The following SH3BGRL variants were observed in gnomAD, a reference collection of about 807,000 sequenced individuals.
SH3BGRL encodes the protein adapter SH3BGRL.
Under a neutral mutation model 9.8 loss-of-function variants are expected in SH3BGRL, and 7 were observed. That is an observed-to-expected ratio of 0.72 (90% confidence interval 0.41 to 1.35). SH3BGRL has a LOEUF of 1.35. SH3BGRL is among the 40% of genes most tolerant of loss of function. The pLI is 0.01. For missense variants in SH3BGRL, 73 were observed against 84.4 expected (o/e 0.86, Z 0.53); for synonymous variants, 36 against 29.1 (o/e 1.24, Z -0.76).
chrX:81,257,968 A>C (rs1359439975), intron 1 of SH3BGRL, among the ~76,000 whole-genome samples: 2 of 111,388 alleles, frequency 1.8e-5, no homozygotes, highest in South Asian at 7.6e-4. Flanking sequence ...CCATAATCTC[A>C]TGATCCCAAC....
Position 81,206,113 on chromosome X carries a change from A to G in SH3BGRL, c.45+3868A>G, listed in dbSNP as rs186659040. The stretch of plus-strand genomic sequence containing the variant: ...ACTGACTTCCTTATATATTCCACAT[A>G]TTAATCTCTTGTCAGATGGATAGTT... On this transcript the variant is annotated intron_variant, in intron 1 of 3. Coordinates refer to ENST00000373212, the MANE Select transcript of SH3BGRL (RefSeq NM_003022.3). Among the ~76,000 whole-genome samples, 626 of 111,660 alleles carry G rather than the reference A, an allele frequency of 5.6e-3. 8 individuals carry two copies. Among genetic ancestry groups the G allele is most frequent in the African/African-American group, 0.019 (591 of 30,744 alleles).
At chrX:81,248,966 C>G (rs1427915635) in intron 1 of SH3BGRL, among the ~76,000 whole-genome samples, 1 of 111,785 alleles carries the variant, frequency 8.9e-6, no homozygotes, top group Non-Finnish European at 1.9e-5. Context: ...TGCTGACATT[C>G]TTCTCCCAAG....
At chrX:81,279,463 A>G (rs1438396657) in intron 3 of SH3BGRL, among the ~76,000 whole-genome samples, 1 of 111,111 alleles carries the variant, frequency 9.0e-6, no homozygotes, top group African/African-American at 3.3e-5. Context: ...CTCTCAAGGA[A>G]GTGGACTGCT....
chrX:81,229,810 T>A (rs755783544), intron 1 of SH3BGRL, among the ~76,000 whole-genome samples: 83 of 111,584 alleles, frequency 7.4e-4, no homozygotes, highest in Non-Finnish European at 1.3e-4. Context: ...GGGGGCATGA[T>A]GGGCCAAGGT....
intron 1 of SH3BGRL, among the ~76,000 whole-genome samples, chrX:81,257,483 A>G (rs1488451491): frequency 1.8e-5 from 2 of 111,811 alleles, no homozygotes; most frequent in Non-Finnish European, 3.8e-5. Flanking sequence ...AAAGACTACA[A>G]TCAAGGTGTC....
At chrX:81,235,784 C>G (rs138882364) in intron 1 of SH3BGRL, among the ~76,000 whole-genome samples, 1,187 of 111,364 alleles carry the variant, frequency 0.011, 20 homozygotes, top group African/African-American at 0.037. Flanking sequence ...CTTTTTTCTC[C>G]TTGTTATTAC....
intron 1 of SH3BGRL, 42 bp from the exon 2 acceptor site, chrX:81,276,942 T>C: frequency 8.9e-7 from 1 of 1,123,220 alleles, no homozygotes; most frequent in Non-Finnish European, 1.2e-6. Context: ...ATTTGACTTT[T>C]GTTGAATTTG....
rs1009246900 is a variant in SH3BGRL at position 81,298,212 on chromosome X, G to A, written c.*985G>A. ...AGCCATGTATTGTATGAGTGTATTA[G>A]TCTAAGCAGTGAGAATCTTTTCTAT... On this transcript the variant is annotated 3_prime_UTR_variant, in exon 4 of 4. Coordinates refer to ENST00000373212, the MANE Select transcript of SH3BGRL (RefSeq NM_003022.3). 9.0e-6 allele frequency: 1 copy of A among 111,295 alleles called. No individual in the cohort carries two copies. The highest frequency in any genetic ancestry group is 3.3e-5 in the African/African-American group (1 of 30,735). The allele number at this position is 111,295 out of a possible 1,213,427, so 9.2% of individuals were successfully genotyped here. A position where few individuals can be genotyped will look rare whatever the true frequency, so the allele number is the denominator to read the frequency against.
chrX:81,296,693 T>C (rs60260965), intron 3 of SH3BGRL, among the ~76,000 whole-genome samples: 2,753 of 111,887 alleles, frequency 0.025, 90 homozygotes, highest in African/African-American at 0.085. Flanking sequence ...TCAGAGTTCC[T>C]ATGCTAGAGG....
At chrX:81,247,748 G>A (rs1206061689) in intron 1 of SH3BGRL, among the ~76,000 whole-genome samples, 1 of 110,759 alleles carries the variant, frequency 9.0e-6, no homozygotes, top group Non-Finnish European at 1.9e-5. Flanking sequence ...GGTTTATCAG[G>A]GATATTGTCC....
intron 1 of SH3BGRL, among the ~76,000 whole-genome samples, chrX:81,270,381 C>T (rs942514234): frequency 5.4e-5 from 6 of 111,781 alleles, no homozygotes; most frequent in Non-Finnish European, 1.1e-4. Flanking sequence ...TTTGATGTTG[C>T]TGATCTATGG....
At chrX:81,207,931 G>A (rs1199068278) in intron 1 of SH3BGRL, among the ~76,000 whole-genome samples, 2 of 111,679 alleles carry the variant, frequency 1.8e-5, no homozygotes, top group African/African-American at 6.5e-5. Flanking sequence ...CATGGTTGTA[G>A]GGAAGAATAT....
intron 1 of SH3BGRL, among the ~76,000 whole-genome samples, chrX:81,256,777 A>G (rs5913414): frequency 0.013 from 1,506 of 112,182 alleles, 13 homozygotes; most frequent in Non-Finnish European, 0.023. Context: ...ATTGATATTG[A>G]CAGCAGCTTA....
At chrX:81,293,016 C>T (rs776611109) in intron 3 of SH3BGRL, among the ~76,000 whole-genome samples, 2 of 112,106 alleles carry the variant, frequency 1.8e-5, no homozygotes, top group African/African-American at 3.2e-5. Context: ...TGTCTGCATC[C>T]AAATCTCATC....
intron 1 of SH3BGRL, among the ~76,000 whole-genome samples, chrX:81,266,624 T>G (rs2075758003): frequency 8.9e-6 from 1 of 111,819 alleles, no homozygotes; most frequent in Non-Finnish European, 1.9e-5. Context: ...TAGTAAAGTT[T>G]GAAGTCAGAT....
At chrX:81,205,524 A>C (rs2147663210) in intron 1 of SH3BGRL, among the ~76,000 whole-genome samples, 1 of 104,863 alleles carries the variant, frequency 9.5e-6, no homozygotes, top group Non-Finnish European at 1.9e-5. Context: ...ATATATATAT[A>C]TATATATCAC....
At chrX:81,268,050 T>C (rs1464059356) in intron 1 of SH3BGRL, among the ~76,000 whole-genome samples, 1 of 111,981 alleles carries the variant, frequency 8.9e-6, no homozygotes, top group Non-Finnish European at 1.9e-5. Context: ...TTCTGTGGGA[T>C]TGGTGGTAAA....
intron 1 of SH3BGRL, among the ~76,000 whole-genome samples, chrX:81,212,496 G>C (rs1281970883): frequency 1.8e-5 from 2 of 111,160 alleles, no homozygotes; most frequent in African/African-American, 6.5e-5. Flanking sequence ...AAAAAATATT[G>C]TGAAAAAAAT....
At chrX:81,239,306 A>G (rs1480400742) in intron 1 of SH3BGRL, among the ~76,000 whole-genome samples, 1 of 112,353 alleles carries the variant, frequency 8.9e-6, no homozygotes, top group Non-Finnish European at 1.9e-5. Context: ...TCAGAATTCT[A>G]TCATATAAAT....
Sources: allele counts gnomAD v4.1 joint callset (sites outside exome capture counted in the v4.1 genomes callset), GRCh38; gene constraint gnomAD v4.1.1; transcripts MANE v1.5; gene names NCBI Gene and HGNC (gene_info 2026-07-23, HGNC 2026-07-21).